PLCH1: variants seen among roughly 807,000 people sequenced by gnomAD.
PLCH1 encodes phospholipase C eta 1.
Under a neutral mutation model 126.7 loss-of-function variants are expected in PLCH1, and 60 were observed. The ratio of observed to expected loss-of-function variants is 0.47; its 90% CI spans 0.38 to 0.59. The LOEUF (loss-of-function observed/expected upper bound fraction) is 0.59. PLCH1 is among the 20% of genes least tolerant of loss of function. The pLI, the probability that PLCH1 is intolerant of heterozygous loss-of-function variation, is 0.00. For synonymous variants in PLCH1, 719 were observed against 734.9 expected, an observed-to-expected ratio of 0.98 and a Z score of 0.35; for missense variants, 1,723 against 2,040.0, an observed-to-expected ratio of 0.84 and a Z score of 2.99.
rs1725289201 is a variant in PLCH1, at chr3:155,546,403, G to T, written c.1362+3384C>A. ...GAAATTAAAGAGGATACAAACAAAT[G>T]GAAGAACATTCCATGCTCATGGGTA... On this transcript the variant is annotated intron_variant, in intron 10 of 22. Transcript: ENST00000460012. 2.6e-5 allele frequency among the ~76,000 whole-genome samples: 4 copies of T among 152,072 alleles called. No individual in the cohort carries two copies. In the South Asian group the frequency reaches 8.3e-4, roughly 32 times the overall value.
chr3:155,636,387 A>C (rs747484292), intron 2 of PLCH1, among the ~76,000 whole-genome samples: 14 of 152,188 alleles, frequency 9.2e-5, no homozygotes, highest in Non-Finnish European at 2.1e-4. Context: ...TCAAGATATC[A>C]TTTTGGGAAA....
chr3:155,594,275 A>G, intron 3 of PLCH1, 91 bp from the exon 4 acceptor site: 1 of 1,232,274 alleles, frequency 8.1e-7, no homozygotes, highest in South Asian at 1.4e-5. Context: ...AATCATTTTA[A>G]ATATTAAAAA....
At chr3:155,585,581 C>A (rs531442235) in intron 5 of PLCH1, among the ~76,000 whole-genome samples, 1 of 152,236 alleles carries the variant, frequency 6.6e-6, no homozygotes, top group South Asian at 2.1e-4. Context: ...ATCTAACCAA[C>A]AAGGAGTTGA....
chr3:155,542,605 G>C lies in PLCH1; in HGVS notation c.1362+7182C>G, dbSNP rs1035581707. On this transcript the variant is annotated intron_variant, in intron 10 of 22. Coordinates refer to ENST00000460012, the MANE Select transcript of PLCH1 (RefSeq NM_014996.4). ...CTCCTCAAGTGGGTCCCTGACCCCTGACCCCCAAGCAGCCTAACTGGGAGG... is the reference window on the plus strand; with the variant it reads ...CTCCTCAAGTGGGTCCCTGACCCCTCACCCCCAAGCAGCCTAACTGGGAGG... Among the ~76,000 whole-genome samples the C allele has an allele frequency of 7.8e-4, 119 of 152,272 alleles. 3 individuals carry two copies. The highest frequency in any genetic ancestry group is 2.8e-3 in the African/African-American group (116 of 41,582).
chr3:155,621,527 G>A (rs771839238), intron 2 of PLCH1, among the ~76,000 whole-genome samples: 3 of 152,126 alleles, frequency 2.0e-5, no homozygotes, highest in Non-Finnish European at 4.4e-5. Context: ...AAGGTTAGAC[G>A]AATTGCTAAC....
intron 1 of PLCH1, among the ~76,000 whole-genome samples, chr3:155,741,684 C>CTTTTATTTTTTTTTTA: frequency 1.9e-5 from 2 of 102,864 alleles, no homozygotes; most frequent in Non-Finnish European, 3.5e-5. Context: ...TTTATATCCT[C>CTTTTATTTTTTTTTTA]TTTTTTTTTT....
chr3:155,481,804 A>C lies in PLCH1; in HGVS notation c.4222T>G (p.Ser1408Ala). The change falls in exon 23 of 23, where the codon TCT (serine) becomes GCT (alanine). Residue 1408 changes from serine (S) to alanine (A), a missense_variant. By Grantham distance (99) the Ser-to-Ala change is moderately conservative. This residue lies in a region of PLCH1 where 947 missense variants were observed against 977.1 expected (regional missense o/e 0.97). Coordinates refer to ENST00000460012, the MANE Select transcript of PLCH1 (RefSeq NM_014996.4). This position sits in a 1 kb window ranked among gnomAD's most constrained non-coding sequence, Gnocchi z 4.2. ...NGYCKETLRP[S>A]VPEIFNNIQD... ...ATATTGTTGAATATTTCAGGGACAG[A>C]AGGGCGGAGGGTCTCTTTACAGTAG... is the stretch of plus-strand genomic sequence containing the variant. 6.2e-7 allele frequency: 1 copy of C among 1,614,162 alleles called. No homozygotes were observed.
intron 18 of PLCH1, among the ~76,000 whole-genome samples, chr3:155,492,128 G>A (rs755550892): frequency 6.6e-6 from 1 of 152,144 alleles, no homozygotes; most frequent in Non-Finnish European, 1.5e-5. Flanking sequence ...CAAAGAACCT[G>A]AAGTAATGGA....
intron 15 of PLCH1, 39 bp downstream of exon 15, chr3:155,497,281 G>A: frequency 3.1e-6 from 4 of 1,301,996 alleles, no homozygotes. Context: ...GGTCAAGAAT[G>A]TTTATTCAGA....
At chr3:155,493,494 T>G (rs1313926316) in intron 17 of PLCH1, among the ~76,000 whole-genome samples, 1 of 152,124 alleles carries the variant, frequency 6.6e-6, no homozygotes, top group African/African-American at 2.4e-5. Context: ...TTCCAGCGAT[T>G]CTCCTACCTC....
chr3:155,620,970 A>G (rs1736411667), intron 2 of PLCH1, among the ~76,000 whole-genome samples: 1 of 152,184 alleles, frequency 6.6e-6, no homozygotes, highest in Admixed American at 6.5e-5. Context: ...TGACTGGAAG[A>G]CACCTCCCAG....
In PLCH1 at chr3:155,504,617, C is replaced by T. The variant is rs533839469; in HGVS notation, c.1642G>A (p.Val548Ile). The T allele has an allele frequency of 5.6e-6, 9 of 1,599,740 alleles. No homozygotes were observed. In the South Asian group the frequency reaches 7.7e-5, roughly 14 times the overall value. The change falls in exon 13 of 23, where the codon GTA becomes ATA. Residue 548 changes from valine (V) to isoleucine (I), a missense_variant. Physicochemically the swap from Val to Ile is conservative, Grantham distance 29 (BLOSUM62 3). Coordinates refer to ENST00000460012, the MANE Select transcript of PLCH1 (RefSeq NM_014996.4). ...LNAHLKQSPD[V>I]KESGKKSHGR... is the part of the protein sequence containing the mutation. ...TGTGATTTCTTTCCACTTTCCTTTA[C>T]ATCTGGACTCTGAATAAATAAAGGC...
chr3:155,727,635 G>A (rs369641059), intron 1 of PLCH1, among the ~76,000 whole-genome samples: 42 of 152,046 alleles, frequency 2.8e-4, no homozygotes, highest in African/African-American at 9.7e-4. Flanking sequence ...TGATCCGCCC[G>A]TCTCGGCCTC....
At chr3:155,735,263 A>G (rs778165661) in intron 1 of PLCH1, among the ~76,000 whole-genome samples, 4 of 152,144 alleles carry the variant, frequency 2.6e-5, no homozygotes, top group Non-Finnish European at 4.4e-5. Flanking sequence ...AATTTTGGTT[A>G]GATAGGGGGA....
intron 10 of PLCH1, among the ~76,000 whole-genome samples, chr3:155,540,708 G>A (rs1430430782): frequency 6.6e-6 from 1 of 152,156 alleles, no homozygotes; most frequent in Non-Finnish European, 1.5e-5. Flanking sequence ...ACTTACTCCT[G>A]CAAGAATGGC....
Position 155,490,841 on chromosome 3 carries a change from T to C in PLCH1, c.2335A>G (p.Ile779Val), listed in dbSNP as rs751744791. ...EIIDPFVEVE[I>V]IGLPVDCCKD... ...CAACAATCTACTGGCAATCCAATAA[T>C]TTCAACTTCAACAAAAGGGTCAATG... The change falls in exon 19 of 23, where the codon ATT (isoleucine) becomes GTT (valine). Residue 779 changes from isoleucine (I) to valine (V), a missense_variant. This residue lies in a region of PLCH1 where 776 missense variants were observed against 1,062.9 expected (regional missense o/e 0.73). Transcript: ENST00000460012. 1.3e-5 allele frequency: 20 copies of C among 1,592,916 alleles called. 3 individuals are homozygous for C. The highest frequency in any genetic ancestry group is 3.3e-5 in the Admixed American group (2 of 59,982).
intron 2 of PLCH1, among the ~76,000 whole-genome samples, chr3:155,608,629 G>C (rs1208816713): frequency 3.3e-5 from 5 of 151,950 alleles, no homozygotes; most frequent in Admixed American, 6.6e-5. Flanking sequence ...TGTATGCGCA[G>C]TGAGGCAGCC....
chr3:155,741,778 A>C (rs1664120618), intron 1 of PLCH1, among the ~76,000 whole-genome samples: 1 of 142,626 alleles, frequency 7.0e-6, no homozygotes. Flanking sequence ...CAGAAGGTTC[A>C]TTATGTCATG....
At chr3:155,643,161 C>T (rs1739604302) in intron 2 of PLCH1, among the ~76,000 whole-genome samples, 1 of 152,140 alleles carries the variant, frequency 6.6e-6, no homozygotes, top group African/African-American at 2.4e-5. Context: ...GTTGGCCAGG[C>T]TGGTCTCGAA....
Sources: gnomAD v4.1 joint callset for allele counts (sites outside exome capture counted in the v4.1 genomes callset) on GRCh38, gnomAD v4.1.1 for gene constraint, gnomAD v4.1.1 regional missense constraint, Gnocchi (gnomAD v3.1) non-coding constraint, MANE v1.5 for transcripts, NCBI Gene and HGNC (gene_info 2026-07-23, HGNC 2026-07-21) for gene names.